Variants in DNAH9 observed in about 807,000 individuals in gnomAD.
The protein encoded by DNAH9 is dynein axonemal heavy chain 9, also known as DNAH9 variant protein.
A neutral mutation model predicts 471.6 loss-of-function variants in DNAH9; 345 were observed. The ratio of observed to expected loss-of-function variants is 0.73; its 90% CI spans 0.67 to 0.80. DNAH9 has a LOEUF of 0.80. DNAH9 is among the 30% of genes least tolerant of loss of function. The pLI, the probability that DNAH9 is intolerant of heterozygous loss-of-function variation, is 0.00. For missense variants in DNAH9, 5,407 were observed against 5,609.2 expected (o/e 0.96, Z 1.15); for synonymous variants, 2,093 against 2,123.6 (o/e 0.99, Z 0.40).
chr17:11,640,223 C>G (rs1362699536), intron 9 of DNAH9, 47 bp from the exon 10 acceptor site: 1 of 1,193,392 alleles, frequency 8.4e-7, no homozygotes, highest in African/African-American at 1.5e-5. Context: ...GCGGAGAGGA[C>G]TGAGGTGCTC....
In DNAH9 at chr17:11,930,096, A is replaced by G. The variant is rs1234147995; in HGVS notation, c.12105+3A>G. The G allele has an allele frequency of 1.2e-6, 2 of 1,612,910 alleles. No homozygotes were observed. The highest frequency in any genetic ancestry group is 2.2e-5 in the East Asian group (1 of 44,852). ...AGGCCCTGGACAACTTCACTCAGGT[A>G]CGGCCCCGGGAGGGAGGCAAAAACA... On this transcript the variant is annotated splice_donor_region_variant and intron_variant, in intron 63 of 68. Transcript: ENST00000262442.
At chr17:11,704,097 C>A in intron 24 of DNAH9, 106 bp from the exon 25 acceptor site, 1 of 1,278,682 alleles carries the variant, frequency 7.8e-7, no homozygotes, top group Non-Finnish European at 1.1e-6. Context: ...AGGGATGGGG[C>A]TCATGTCACC....
At chr17:11,826,125 T>C (rs1970479815) in intron 48 of DNAH9, among the ~76,000 whole-genome samples, 2 of 152,232 alleles carry the variant, frequency 1.3e-5, no homozygotes, top group South Asian at 4.1e-4. Context: ...TCTGTCTTTA[T>C]TGTTAAGCCT....
At position 11,704,211 on chromosome 17, in the gene DNAH9, G is replaced by C; in HGVS notation, c.5160G>C (p.Leu1720=). ...WLFDHPAQVA[L]TCTQIWWTTE... ...AACTCTTGCTGCCACAGGTGGCCCT[G>C]ACCTGTACTCAGATCTGGTGGACAA... Residue 1720 remains leucine, a synonymous_variant, in exon 25 of 69, where the codon CTG becomes CTC. Transcript: ENST00000262442. The C allele has an allele frequency of 6.2e-7, 1 of 1,614,032 alleles. No individual in the cohort carries two copies. The highest frequency in any genetic ancestry group is 8.5e-7 in the Non-Finnish European group (1 of 1,179,938).
chr17:11,622,099 A>AC (rs2072880769), intron 6 of DNAH9, among the ~76,000 whole-genome samples: 1 of 151,358 alleles, frequency 6.6e-6, no homozygotes, highest in Admixed American at 6.6e-5. Flanking sequence ...AAAAAAAAAA[A>AC]AGTGAGATTG....
At chr17:11,756,322 A>G (rs1301765134) in intron 33 of DNAH9, among the ~76,000 whole-genome samples, 3 of 151,644 alleles carry the variant, frequency 2.0e-5, no homozygotes, top group Non-Finnish European at 4.4e-5. Flanking sequence ...ACTCACAACC[A>G]TGAGAACTGT....
Position 11,738,920 on chromosome 17 carries a change from G to C in DNAH9, c.5855G>C (p.Trp1952Ser). The C allele has an allele frequency of 6.2e-7, 1 of 1,614,070 alleles. No individual in the cohort carries two copies. The highest frequency in any genetic ancestry group is 8.5e-7 in the Non-Finnish European group (1 of 1,179,928). ...GATGCGATTAGAGATAAGAAGCAGT[G>C]GTTCAGCTTCCTTGGGGAGGAGATC... is the stretch of plus-strand genomic sequence containing the variant. ...IQDAIRDKKQ[W>S]FSFLGEEISL... Residue 1952 changes from tryptophan to serine, a missense_variant, in exon 29 of 69, where the codon TGG (tryptophan) becomes TCG (serine). This residue lies in a region of DNAH9 where 4,636 missense variants were observed against 4,900.3 expected (regional missense o/e 0.95). Transcript: ENST00000262442.
chr17:11,933,129 G>A (rs891164043), intron 64 of DNAH9, among the ~76,000 whole-genome samples: 2 of 152,110 alleles, frequency 1.3e-5, no homozygotes, highest in African/African-American at 4.8e-5. Context: ...CAATGAACTT[G>A]TGGGCTTTGT....
intron 65 of DNAH9, among the ~76,000 whole-genome samples, chr17:11,934,332 C>T (rs1044801989): frequency 2.7e-5 from 4 of 150,728 alleles, no homozygotes; most frequent in African/African-American, 7.3e-5. Context: ...GGAGATCTTT[C>T]GATTCTTGAT....
chr17:11,875,260 G>GC (rs11396360), intron 53 of DNAH9, 76 bp downstream of exon 53: 692,477 of 1,192,408 alleles, frequency 0.58, 207,327 homozygotes, highest in African/African-American at 0.8. Context: ...CAGATTTTAA[G>GC]CCCAGTGAAT....
chr17:11,700,323 C>T (rs996083626), intron 23 of DNAH9, among the ~76,000 whole-genome samples: 5 of 152,130 alleles, frequency 3.3e-5, no homozygotes, highest in African/African-American at 1.2e-4. Context: ...CCCCTCTCTG[C>T]ACAAATGTGT....
At chr17:11,946,133 G>C (rs1975112345) in intron 67 of DNAH9, among the ~76,000 whole-genome samples, 1 of 148,960 alleles carries the variant, frequency 6.7e-6, no homozygotes, top group Non-Finnish European at 1.5e-5. Flanking sequence ...CCGGGAGGTG[G>C]AGGTTGCAGC....
At chr17:11,718,518 G>A (rs2075003829) in intron 26 of DNAH9, among the ~76,000 whole-genome samples, 1 of 152,192 alleles carries the variant, frequency 6.6e-6, no homozygotes, top group Non-Finnish European at 1.5e-5. Context: ...TACTTTTTAA[G>A]AAATATAAGT....
intron 67 of DNAH9, among the ~76,000 whole-genome samples, chr17:11,946,006 C>CAGT (rs1444538513): frequency 2.0e-5 from 3 of 151,910 alleles, no homozygotes; most frequent in Non-Finnish European, 2.9e-5. Flanking sequence ...GGAGACAAGC[C>CAGT]TGGCCAACAT....
At chr17:11,964,331 A>T (rs1347739606) in intron 68 of DNAH9, among the ~76,000 whole-genome samples, 1 of 152,140 alleles carries the variant, frequency 6.6e-6, no homozygotes, top group Non-Finnish European at 1.5e-5. Context: ...AGAAGTACCA[A>T]AAGGAAAGTA....
intron 39 of DNAH9, among the ~76,000 whole-genome samples, chr17:11,782,050 T>G (rs1053918365): frequency 2.0e-5 from 3 of 151,084 alleles, no homozygotes; most frequent in Non-Finnish European, 4.4e-5. Context: ...TTCTACCGCA[T>G]ACTGAATCTG....
At chr17:11,853,424 C>T (rs1383038249) in intron 49 of DNAH9, among the ~76,000 whole-genome samples, 1 of 152,190 alleles carries the variant, frequency 6.6e-6, no homozygotes, top group Non-Finnish European at 1.5e-5. Context: ...CTTTCTGGAA[C>T]AAGCAAAACT....
chr17:11,923,152 T>G (rs1974191841), intron 61 of DNAH9, among the ~76,000 whole-genome samples: 1 of 152,186 alleles, frequency 6.6e-6, no homozygotes, highest in South Asian at 2.1e-4. Context: ...CTCGTCTCAC[T>G]GCAACCTCCG....
At chr17:11,907,676 T>TAACA (rs1973654437) in intron 61 of DNAH9, among the ~76,000 whole-genome samples, 1 of 152,118 alleles carries the variant, frequency 6.6e-6, no homozygotes, top group Non-Finnish European at 1.5e-5. Flanking sequence ...ATGAAAGAAC[T>TAACA]AACAGCATAT....
Sources: gnomAD v4.1 joint callset for allele counts (sites outside exome capture counted in the v4.1 genomes callset) on GRCh38, gnomAD v4.1.1 for gene constraint, gnomAD v4.1.1 regional missense constraint, MANE v1.5 for transcripts, NCBI Gene and HGNC (gene_info 2026-07-23, HGNC 2026-07-21) for gene names.